PCDHGA1: variants seen among roughly 807,000 people sequenced by gnomAD.
PCDHGA1 encodes protocadherin gamma subfamily A, 1, also known as protocadherin gamma-A1.
A neutral mutation model predicts 58.0 loss-of-function variants in PCDHGA1; 32 were observed. The observed-to-expected ratio is 0.55, with a 90% CI of 0.42 to 0.74. The LOEUF (loss-of-function observed/expected upper bound fraction) is 0.74. Ranked by LOEUF, PCDHGA1 falls within the 30% of genes least tolerant of loss-of-function variation. The pLI, the probability that PCDHGA1 is intolerant of heterozygous loss-of-function variation, is 0.00. For missense variants in PCDHGA1, 1,205 were observed against 1,182.3 expected (o/e 1.02, Z -0.28); for synonymous variants, 498 against 501.1 (o/e 0.99, Z 0.08).
Position 141,511,579 on chromosome 5 carries a change from G to T in PCDHGA1, c.*406G>T. The T allele has an allele frequency of 3.6e-6, 1 of 280,798 alleles. No individual in the cohort carries two copies. Among genetic ancestry groups the T allele is most frequent in the South Asian group, 4.1e-5 (1 of 24,614 alleles). 17.4% of individuals were successfully genotyped at this position (280,798 alleles called of 1,614,324 possible). On this transcript the variant is annotated 3_prime_UTR_variant, in exon 4 of 4. Transcript: ENST00000517417. Reference sequence around the variant, plus strand: ...CCTCTTTCCCGAGTAAGGTGGTTGGGGTGTTGAAGTACCAAGTAACCTACA... The same window carrying T: ...CCTCTTTCCCGAGTAAGGTGGTTGGTGTGTTGAAGTACCAAGTAACCTACA...
intron 1 of PCDHGA1, among the ~76,000 whole-genome samples, chr5:141,364,008 C>G (rs553317478): frequency 6.6e-6 from 1 of 152,076 alleles, no homozygotes; most frequent in African/African-American, 2.4e-5. Flanking sequence ...TCATAAACAA[C>G]GCTACACAGT....
intron 1 of PCDHGA1, chr5:141,370,342 A>G (rs968653011): frequency 1.3e-5 from 19 of 1,475,912 alleles, no homozygotes; most frequent in Non-Finnish European, 1.7e-5. Flanking sequence ...TCTTGGGATT[A>G]TTTAAAGATC....
intron 1 of PCDHGA1, chr5:141,344,995 C>A: frequency 6.2e-7 from 1 of 1,613,910 alleles, no homozygotes; most frequent in Non-Finnish European, 8.5e-7. Context: ...AAAATTGAAG[C>A]ACAGGATGGA....
chr5:141,375,015 A>C, intron 1 of PCDHGA1: 2 of 1,613,916 alleles, frequency 1.2e-6, no homozygotes. Context: ...GACTATGAGG[A>C]CTCGAGTTTT....
intron 1 of PCDHGA1, chr5:141,376,019 G>A (rs765198459): frequency 7.3e-5 from 117 of 1,613,176 alleles, no homozygotes; most frequent in African/African-American, 9.3e-5. Context: ...AGTGGTGGCC[G>A]TCCAGGACCA....
Position 141,491,215 on chromosome 5 carries a change from A to G in PCDHGA1, c.2422-3592A>G, listed in dbSNP as rs546893944. 2.5e-6 allele frequency: 4 copies of G among 1,614,196 alleles called. No individual in the cohort carries two copies. Among genetic ancestry groups the G allele is most frequent in the Non-Finnish European group, 3.4e-6 (4 of 1,180,036 alleles). On this transcript the variant is annotated intron_variant, in intron 1 of 3. Coordinates refer to ENST00000517417, the MANE Select transcript of PCDHGA1 (RefSeq NM_018912.3). This position sits in a 1 kb window ranked among gnomAD's most constrained non-coding sequence, Gnocchi z 6.9. ...CAATGGTGACCCTTCACTCTCCTCC[A>G]CAGCCACAGTGCTGCTGGTTCTGGA...
At chr5:141,361,578 G>T in intron 1 of PCDHGA1, 3 of 1,614,036 alleles carry the variant, frequency 1.9e-6, no homozygotes, top group Non-Finnish European at 2.5e-6. Context: ...ACCCTGACTT[G>T]GGCCCCAGTG....
At chr5:141,372,958 T>TACAA in intron 1 of PCDHGA1, 9 of 710,562 alleles carry the variant, frequency 1.3e-5, no homozygotes, top group South Asian at 2.1e-5. Context: ...AAATTCTTTG[T>TACAA]AGAATTTCCT....
chr5:141,492,579 G>T (rs547852117), intron 1 of PCDHGA1, among the ~76,000 whole-genome samples: 2 of 152,356 alleles, frequency 1.3e-5, no homozygotes, highest in East Asian at 1.9e-4. Context: ...GAGGCGCGGG[G>T]CCAGGAGCGC....
At chr5:141,415,824 CT>C (rs1412807947) in intron 1 of PCDHGA1, 8 of 1,306,364 alleles carry the variant, frequency 6.1e-6, no homozygotes, top group Non-Finnish European at 7.8e-6. Flanking sequence ...TATCATAAGG[CT>C]TTGTTATGAT....
chr5:141,436,063 A>G (rs1406994228), intron 1 of PCDHGA1, among the ~76,000 whole-genome samples: 1 of 152,230 alleles, frequency 6.6e-6, no homozygotes, highest in Non-Finnish European at 1.5e-5. Flanking sequence ...ATAGAATTTA[A>G]TAAGTACAGT....
chr5:141,331,811 C>T lies in PCDHGA1; in HGVS notation c.1127C>T (p.Ser376Leu). 1 of 1,614,176 alleles carries T rather than the reference C, an allele frequency of 6.2e-7. No homozygotes were observed. Among genetic ancestry groups the T allele is most frequent in the South Asian group, 1.1e-5 (1 of 91,078 alleles). The part of the protein sequence containing the change: ...IALISVHDQD[S>L]GDNGYTTCFI... The stretch of plus-strand genomic sequence containing the variant: ...CTTATCAGTGTGCATGACCAGGACT[C>T]AGGAGACAATGGCTACACCACATGT... Residue 376 changes from serine to leucine, a missense_variant, in exon 1 of 4, where the codon TCA becomes TTA. Physicochemically the swap from Ser to Leu is moderately radical, Grantham distance 145. Transcript: ENST00000517417.
In PCDHGA1 at chr5:141,431,253, ACT is replaced by A. The variant is rs757246289; in HGVS notation, c.2422-63549_2422-63548del. On this transcript the variant is annotated intron_variant, in intron 1 of 3. Coordinates refer to ENST00000517417, the MANE Select transcript of PCDHGA1 (RefSeq NM_018912.3). This position sits in a 1 kb window ranked among gnomAD's most constrained non-coding sequence, Gnocchi z 4.8. ...GCCTGGGATCCGGATATCGGGAAGA[ACT>A]CTCTGCAGAGCTACGAGCTCAGCCC... 2.2e-5 allele frequency: 35 copies of A among 1,614,014 alleles called. No individual in the cohort carries two copies. In the South Asian group the frequency reaches 3.1e-4, roughly 14 times the overall value.
chr5:141,414,909 C>G (rs1230113440), intron 1 of PCDHGA1: 4 of 1,614,220 alleles, frequency 2.5e-6, no homozygotes, highest in Non-Finnish European at 3.4e-6. Context: ...GTTCCACAGG[C>G]GTGGAGCTGG....
Position 141,355,864 on chromosome 5 carries a change from C to T in PCDHGA1, c.2421+22759C>T, listed in dbSNP as rs749145164. 1 of 1,612,570 alleles carries T rather than the reference C, an allele frequency of 6.2e-7. No individual in the cohort carries two copies. Among genetic ancestry groups the T allele is most frequent in the Admixed American group, 1.7e-5 (1 of 59,822 alleles). On this transcript the variant is annotated intron_variant, in intron 1 of 3. Coordinates refer to ENST00000517417, the MANE Select transcript of PCDHGA1 (RefSeq NM_018912.3). ...GGCCTTCGATGGAGGTGACCCGGTT[C>T]GCTCTGGCACTGCCAGGATTCTCAT...
In PCDHGA1 at chr5:141,431,118, A is replaced by T. The variant is rs2097344347; in HGVS notation, c.2422-63689A>T. On this transcript the variant is annotated intron_variant, in intron 1 of 3. Coordinates refer to ENST00000517417, the MANE Select transcript of PCDHGA1 (RefSeq NM_018912.3). This position sits in a 1 kb window ranked among gnomAD's most constrained non-coding sequence, Gnocchi z 4.8. ...GATAAAGTGAAAATATATGGAGTAG[A>T]AGTAGAAGTAAGGGACATTAACGAC... is the stretch of plus-strand genomic sequence containing the variant. The T allele has an allele frequency of 6.2e-7, 1 of 1,614,182 alleles. No homozygotes were observed. Among genetic ancestry groups the T allele is most frequent in the African/African-American group, 1.3e-5 (1 of 75,070 alleles).
At chr5:141,345,289 A>G in intron 1 of PCDHGA1, 2 of 1,613,988 alleles carry the variant, frequency 1.2e-6, no homozygotes, top group Non-Finnish European at 1.7e-6. Flanking sequence ...TCAGAATATA[A>G]CATTAGTCTG....
intron 1 of PCDHGA1, chr5:141,422,357 C>T: frequency 6.4e-7 from 1 of 1,557,656 alleles, no homozygotes; most frequent in South Asian, 1.3e-5. Context: ...GATCAAGATT[C>T]TGGAGAAAAT....
At position 141,418,010 on chromosome 5, in the gene PCDHGA1, G is replaced by T. The variant is rs185303697; in HGVS notation, c.2422-76797G>T. Reference sequence around the variant, plus strand: ...CAAGGGCTCGGTGGTGGGGAACCTCGCTAAGGATCTAGGGCTTAGTGTCCT... The same window carrying T: ...CAAGGGCTCGGTGGTGGGGAACCTCTCTAAGGATCTAGGGCTTAGTGTCCT... On this transcript the variant is annotated intron_variant, in intron 1 of 3. Coordinates refer to ENST00000517417, the MANE Select transcript of PCDHGA1 (RefSeq NM_018912.3). 2.9e-5 allele frequency: 46 copies of T among 1,613,912 alleles called. No individual in the cohort carries two copies. The Middle Eastern group carries it at 5.0e-4, about 17-fold the overall frequency.
Sources: gnomAD v4.1 joint callset for allele counts (sites outside exome capture counted in the v4.1 genomes callset) on GRCh38, gnomAD v4.1.1 for gene constraint, Gnocchi (gnomAD v3.1) non-coding constraint, MANE v1.5 for transcripts, NCBI Gene and HGNC (gene_info 2026-07-23, HGNC 2026-07-21) for gene names.